Variants in PRKAR2B observed in about 807,000 individuals in gnomAD.
PRKAR2B encodes protein kinase cAMP-dependent type II regulatory subunit beta, also known as cAMP-dependent protein kinase type II-beta regulatory subunit.
In PRKAR2B, 14 loss-of-function variants were observed where a neutral mutation model predicts 49.9. That is an observed-to-expected ratio of 0.28 (90% CI 0.19 to 0.44). The LOEUF (loss-of-function observed/expected upper bound fraction) is 0.44. Among genes scored for constraint, PRKAR2B ranks in the 20% least tolerant of loss-of-function variants. The pLI, the probability that PRKAR2B is intolerant of heterozygous loss-of-function variation, is 1.00. For synonymous variants in PRKAR2B, 196 were observed against 197.7 expected (o/e 0.99, Z 0.07); for missense variants, 393 against 537.9 (o/e 0.73, Z 2.67).
rs1796107951 is a variant in PRKAR2B at position 107,157,167 on chromosome 7, T to C, written c.985-19T>C. 6.2e-7 allele frequency: 1 copy of C among 1,608,454 alleles called. No homozygotes were observed. Among genetic ancestry groups the C allele is most frequent in the African/African-American group, 1.3e-5 (1 of 74,636 alleles). On this transcript the variant is annotated intron_variant, in intron 9 of 10. Coordinates refer to ENST00000265717, the MANE Select transcript of PRKAR2B (RefSeq NM_002736.3). The stretch of plus-strand genomic sequence containing the variant: ...TTCATAAGCTGAGGAAAAGCTCATC[T>C]TTTTAATTGCCTTGTCAGGGTAAAT...
chr7:107,122,753 A>G (rs896300657), intron 3 of PRKAR2B, among the ~76,000 whole-genome samples: 7 of 152,212 alleles, frequency 4.6e-5, no homozygotes, highest in African/African-American at 1.7e-4. Flanking sequence ...GTGGAGAAGC[A>G]GCTACTACGT....
At chr7:107,077,781 A>G (rs1355025019) in intron 2 of PRKAR2B, 2 of 152,224 alleles carry the variant, frequency 1.3e-5, no homozygotes, top group African/African-American at 4.8e-5. Flanking sequence ...CTACGTATTA[A>G]AAGTGTCTCT....
At chr7:107,059,518 C>A (rs1452028274) in intron 1 of PRKAR2B, among the ~76,000 whole-genome samples, 2 of 152,138 alleles carry the variant, frequency 1.3e-5, no homozygotes, top group East Asian at 3.9e-4. Context: ...TATTATCCAT[C>A]AACTTGTTTT....
chr7:107,110,398 C>T (rs1795149693), intron 2 of PRKAR2B, among the ~76,000 whole-genome samples: 1 of 152,038 alleles, frequency 6.6e-6, no homozygotes, highest in Non-Finnish European at 1.5e-5. Context: ...AGCCATTGGA[C>T]TGGAGAGGCA....
intron 2 of PRKAR2B, among the ~76,000 whole-genome samples, chr7:107,082,465 A>G (rs1437809390): frequency 6.6e-6 from 1 of 152,192 alleles, no homozygotes; most frequent in Non-Finnish European, 1.5e-5. Flanking sequence ...CTCTTCTTAG[A>G]ATAATGAAAA....
chr7:107,052,342 C>G (rs920178246), intron 1 of PRKAR2B, among the ~76,000 whole-genome samples: 9 of 152,110 alleles, frequency 5.9e-5, no homozygotes, highest in Non-Finnish European at 1.2e-4. Context: ...CGCTTGAACC[C>G]TGGAGACGGA....
chr7:107,139,261 A>C (rs189855826), intron 4 of PRKAR2B, among the ~76,000 whole-genome samples: 1 of 152,320 alleles, frequency 6.6e-6, no homozygotes, highest in Admixed American at 6.5e-5. Flanking sequence ...CAACCAGTGC[A>C]CTGTTTAGCT....
chr7:107,052,515 T>C (rs1035437061), intron 1 of PRKAR2B, among the ~76,000 whole-genome samples: 11 of 152,240 alleles, frequency 7.2e-5, no homozygotes, highest in African/African-American at 2.7e-4. Context: ...CTTTACACAT[T>C]GTCATCTGAA....
intron 3 of PRKAR2B, among the ~76,000 whole-genome samples, chr7:107,123,626 A>G (rs1795428218): frequency 6.6e-6 from 1 of 152,150 alleles, no homozygotes; most frequent in Admixed American, 6.5e-5. Context: ...CTCAGTTCAA[A>G]ATTCCAATTT....
Position 107,150,896 on chromosome 7 carries a change from T to A in PRKAR2B, c.742-26T>A, listed in dbSNP as rs750792439. ...TTGTATAGCTTTACCCCCATAAAATTTACCCTTTAACTGTTCTGCCTGTAG... is the reference window on the plus strand; with the variant it reads ...TTGTATAGCTTTACCCCCATAAAATATACCCTTTAACTGTTCTGCCTGTAG... On this transcript the variant is annotated intron_variant, in intron 6 of 10. Coordinates refer to ENST00000265717, the MANE Select transcript of PRKAR2B (RefSeq NM_002736.3). 7 of 1,293,478 alleles carry A rather than the reference T, an allele frequency of 5.4e-6. No homozygotes were observed. The Admixed American group carries it at 1.4e-4, about 26-fold the overall frequency. The allele number at this position is 1,293,478 out of a possible 1,614,324, so 80.1% of individuals were successfully genotyped here. A position where few individuals can be genotyped will look rare whatever the true frequency, so the allele number is the denominator to read the frequency against.
intron 2 of PRKAR2B, among the ~76,000 whole-genome samples, chr7:107,080,252 C>T (rs1794490453): frequency 6.6e-6 from 1 of 152,056 alleles, no homozygotes; most frequent in African/African-American, 2.4e-5. Context: ...TCTTTCAGAT[C>T]CCACTGTGTG....
chr7:107,084,785 A>G (rs1794584258), intron 2 of PRKAR2B, among the ~76,000 whole-genome samples: 2 of 151,468 alleles, frequency 1.3e-5, no homozygotes, highest in African/African-American at 2.4e-5. Context: ...ATGCCTGGCT[A>G]ATTTTTTTTT....
chr7:107,063,878 G>A (rs1367900619), intron 1 of PRKAR2B, among the ~76,000 whole-genome samples: 3 of 152,036 alleles, frequency 2.0e-5, no homozygotes, highest in East Asian at 1.9e-4. Flanking sequence ...CAGCTTTTCC[G>A]GTGTTCTTAG....
At chr7:107,086,279 G>A (rs1794618607) in intron 2 of PRKAR2B, among the ~76,000 whole-genome samples, 1 of 151,940 alleles carries the variant, frequency 6.6e-6, no homozygotes, top group African/African-American at 2.4e-5. Flanking sequence ...ACCTTGAGAG[G>A]GTTATTTAGT....
In PRKAR2B at chr7:107,151,022, A is replaced by G; in HGVS notation, c.842A>G (p.Glu281Gly). ...IESLPFLKSL[E>G]FSERLKVVDV... ...TCACTGCCATTCCTTAAATCTTTGG[A>G]GGTAAGTATATGTTTATGCTTTTAT... Residue 281 changes from glutamate (E) to glycine (G), a missense_variant and splice_region_variant, in exon 7 of 11, where the codon GAG becomes GGG. Glu to Gly is a moderately conservative substitution (Grantham distance 98). Around this residue, in one of 2 missense-constraint regions of PRKAR2B, gnomAD observed 233 missense variants for 390.4 expected, o/e 0.60. Coordinates refer to ENST00000265717, the MANE Select transcript of PRKAR2B (RefSeq NM_002736.3). 6.5e-7 allele frequency: 1 copy of G among 1,535,504 alleles called. No homozygotes were observed. The highest frequency in any genetic ancestry group is 1.2e-5 in the South Asian group (1 of 83,402).
chr7:107,101,186 C>G (rs1372496300), intron 2 of PRKAR2B, among the ~76,000 whole-genome samples: 1 of 119,560 alleles, frequency 8.4e-6, no homozygotes, highest in Non-Finnish European at 1.6e-5. Context: ...TCTGTATGCT[C>G]TGTCTTTGCC....
chr7:107,129,019 A>T (rs968525038), intron 4 of PRKAR2B: 1 of 152,134 alleles, frequency 6.6e-6, no homozygotes, highest in African/African-American at 2.4e-5. Flanking sequence ...AATAGAGTCA[A>T]CTTTTGTAAC....
intron 2 of PRKAR2B, among the ~76,000 whole-genome samples, chr7:107,084,979 T>C (rs1311256857): frequency 6.6e-6 from 1 of 152,038 alleles, no homozygotes; most frequent in African/African-American, 2.4e-5. Context: ...TACAGGTATA[T>C]ACGTAAGGGA....
intron 1 of PRKAR2B, among the ~76,000 whole-genome samples, chr7:107,065,118 A>G (rs1003756095): frequency 6.6e-6 from 1 of 152,220 alleles, no homozygotes; most frequent in Non-Finnish European, 1.5e-5. Flanking sequence ...TAGACAGTTA[A>G]CAGATTCAGA....
Sources: allele counts gnomAD v4.1 joint callset (sites outside exome capture counted in the v4.1 genomes callset), GRCh38; gene constraint gnomAD v4.1.1; regional missense constraint gnomAD v4.1.1; transcripts MANE v1.5; gene names NCBI Gene and HGNC (gene_info 2026-07-23, HGNC 2026-07-21).